Variants in SCAP observed in about 807,000 individuals in gnomAD.
SCAP encodes SREBF chaperone.
Under a neutral mutation model 123.6 loss-of-function variants are expected in SCAP, and 65 were observed. The observed-to-expected ratio is 0.53, with a 90% CI of 0.43 to 0.65. The LOEUF is 0.65. SCAP is among the 30% of genes least tolerant of loss of function. The pLI, the probability that SCAP is intolerant of heterozygous loss-of-function variation, is 0.00. For synonymous variants in SCAP, 740 were observed against 726.3 expected (o/e 1.02, Z -0.30); for missense variants, 1,398 against 1,712.5 (o/e 0.82, Z 3.24).
chr3:47,434,548 A>G (rs1456437449), intron 3 of SCAP, among the ~76,000 whole-genome samples: 1 of 152,174 alleles, frequency 6.6e-6, no homozygotes, highest in African/African-American at 2.4e-5. Flanking sequence ...GTTCCAAACT[A>G]AATAACTGGC....
rs567401477 is a variant in SCAP at position 47,417,818 on chromosome 3, C to T, written c.2456G>A (p.Arg819His). The change falls in exon 17 of 23, where the codon CGC (arginine) becomes CAC (histidine). Residue 819 changes from arginine (R) to histidine (H), a missense_variant. Physicochemically the swap from Arg to His is conservative, Grantham distance 29. This residue lies in a region of SCAP where 828 missense variants were observed against 882.5 expected (regional missense o/e 0.94). Transcript: ENST00000265565. ...CCCGCTGCCCACGCCACTGTCCCGG[C>T]GCTGCCTGCTGGGGGCCAGGAGGGC... is the stretch of plus-strand genomic sequence containing the variant. ...LTRIPRPGRQ[R>H]RDSGVGSGLE... 5.8e-6 allele frequency: 8 copies of T among 1,378,140 alleles called. No individual in the cohort carries two copies. Among genetic ancestry groups the T allele is most frequent in the Middle Eastern group, 2.1e-4 (1 of 4,692 alleles). The allele number at this position is 1,378,140 out of a possible 1,614,324, so 85.4% of individuals were successfully genotyped here. A position where few individuals can be genotyped will look rare whatever the true frequency, so the allele number is the denominator to read the frequency against.
chr3:47,452,997 G>T (rs769590795), intron 1 of SCAP, among the ~76,000 whole-genome samples: 1 of 152,130 alleles, frequency 6.6e-6, no homozygotes, highest in African/African-American at 2.4e-5. Flanking sequence ...TTGGAAGCCT[G>T]AGTGGGAAGG....
chr3:47,438,842 C>T (rs1048437519), intron 2 of SCAP, among the ~76,000 whole-genome samples: 17 of 151,780 alleles, frequency 1.1e-4, no homozygotes, highest in African/African-American at 3.9e-4. Context: ...AAATTTTAGG[C>T]TGTGGCTACA....
At position 47,417,825 on chromosome 3, in the gene SCAP, T is replaced by C; in HGVS notation, c.2449A>G (p.Arg817Gly). The C allele has an allele frequency of 7.7e-7, 1 of 1,292,468 alleles. No homozygotes were observed. Among genetic ancestry groups the C allele is most frequent in the Non-Finnish European group, 1.0e-6 (1 of 994,044 alleles). The allele number at this position is 1,292,468 out of a possible 1,614,324, so 80.1% of individuals were successfully genotyped here. A position where few individuals can be genotyped will look rare whatever the true frequency, so the allele number is the denominator to read the frequency against. The change falls in exon 17 of 23, where the codon AGG (arginine) becomes GGG (glycine). Residue 817 changes from arginine (R) to glycine (G), a missense_variant and splice_region_variant. Around this residue, in one of 7 missense-constraint regions of SCAP, gnomAD observed 828 missense variants for 882.5 expected, o/e 0.94. Transcript: ENST00000265565. ...CCCACGCCACTGTCCCGGCGCTGCC[T>C]GCTGGGGGCCAGGAGGGCGGAGTGA... is the stretch of plus-strand genomic sequence containing the variant. ...DCLTRIPRPG[R>G]QRRDSGVGSG...
intron 1 of SCAP, among the ~76,000 whole-genome samples, chr3:47,466,004 G>A (rs758292119): frequency 6.9e-4 from 105 of 151,890 alleles, no homozygotes; most frequent in Non-Finnish European, 1.1e-3. Flanking sequence ...GTGGTGGCAG[G>A]TGCCTGTAAT....
At chr3:47,423,843 C>T (rs1706012629) in intron 9 of SCAP, 90 bp downstream of exon 9, 1 of 921,682 alleles carries the variant, frequency 1.1e-6, no homozygotes, top group Non-Finnish European at 1.7e-6. Context: ...TTCAAGGGCT[C>T]TGTTTGCTCA....
chr3:47,426,235 C>A, intron 6 of SCAP, 66 bp from the exon 7 acceptor site: 2 of 1,510,240 alleles, frequency 1.3e-6, no homozygotes, highest in Non-Finnish European at 1.8e-6. Context: ...AAAGACAATC[C>A]CCGGACAGAG....
At position 47,413,785 on chromosome 3, in the gene SCAP, A is replaced by C. The variant is rs1576238058; in HGVS notation, c.*69T>G. ...GGAAGATACTCGGCTCTTTCCCCCA[A>C]GTCCAGGTTCAGTGCATTGGCCCCC... On this transcript the variant is annotated 3_prime_UTR_variant, in exon 23 of 23. Coordinates refer to ENST00000265565, the MANE Select transcript of SCAP (RefSeq NM_012235.4). 9 of 1,549,568 alleles carry C rather than the reference A, an allele frequency of 5.8e-6. No individual in the cohort carries two copies. The East Asian group carries it at 1.4e-4, about 23-fold the overall frequency.
In SCAP at chr3:47,418,643, C is replaced by G. The variant is rs1705753090; in HGVS notation, c.2129+12G>C. On this transcript the variant is annotated intron_variant, in intron 14 of 22. Transcript: ENST00000265565. ...GCACTCTTTCCCACCCCACCCCACC[C>G]AGCAGCCTTACTTGTACAGCGTGAC... 4 of 1,601,364 alleles carry G rather than the reference C, an allele frequency of 2.5e-6. No homozygotes were observed. The African/African-American group carries it at 4.0e-5, about 16-fold the overall frequency.
rs1238567681 is a variant in SCAP at position 47,428,491 on chromosome 3, C to T, written c.410+22G>A. 7 of 1,611,736 alleles carry T rather than the reference C, an allele frequency of 4.3e-6. No homozygotes were observed. In the Admixed American group the frequency reaches 1.0e-4, roughly 23 times the overall value. ...CAGTACAGAATGGGATTCAGGGAGGCCAGGGTCCCTGAGAGGGGTACCTGT... is the reference window on the plus strand; with the variant it reads ...CAGTACAGAATGGGATTCAGGGAGGTCAGGGTCCCTGAGAGGGGTACCTGT... On this transcript the variant is annotated intron_variant, in intron 4 of 22. Transcript: ENST00000265565.
intron 1 of SCAP, among the ~76,000 whole-genome samples, chr3:47,463,551 A>C (rs758924212): frequency 6.7e-4 from 102 of 151,980 alleles, no homozygotes; most frequent in Admixed American, 1.8e-3. Flanking sequence ...AAAATACAAA[A>C]ATTAGCTGGG....
intron 1 of SCAP, among the ~76,000 whole-genome samples, chr3:47,453,867 C>T (rs1023504157): frequency 7.2e-5 from 11 of 152,060 alleles, no homozygotes; most frequent in Admixed American, 2.6e-4. Flanking sequence ...TCTAATTTCC[C>T]ACCTCTAATT....
intron 6 of SCAP, 65 bp from the exon 7 acceptor site, chr3:47,426,234 C>A: frequency 6.6e-7 from 1 of 1,514,682 alleles, no homozygotes; most frequent in East Asian, 2.4e-5. Flanking sequence ...CAAAGACAAT[C>A]CCCGGACAGA....
rs769942680 is a variant in SCAP at position 47,435,086 on chromosome 3, G to A, written c.174C>T (p.Thr58=). 3 of 1,613,974 alleles carry A rather than the reference G, an allele frequency of 1.9e-6. No homozygotes were observed. In the African/African-American group the frequency reaches 4.0e-5, roughly 22 times the overall value. Reference sequence around the variant, plus strand: ...GGGGCGAGTAATCCTTCACAGGGGTGGTGAATTCCACAGGTCCTGTTCCTG... The same window carrying A: ...GGGGCGAGTAATCCTTCACAGGGGTAGTGAATTCCACAGGTCCTGTTCCTG... ...PLPGTGPVEF[T]TPVKDYSPPP... Residue 58 remains threonine, a synonymous_variant, in exon 3 of 23, where the codon ACC becomes ACT. Coordinates refer to ENST00000265565, the MANE Select transcript of SCAP (RefSeq NM_012235.4).
intron 1 of SCAP, among the ~76,000 whole-genome samples, chr3:47,462,071 C>T (rs1048268891): frequency 1.3e-5 from 2 of 152,008 alleles, no homozygotes; most frequent in Non-Finnish European, 1.5e-5. Flanking sequence ...TAAATGTTTA[C>T]TATAATCAGT....
intron 3 of SCAP, among the ~76,000 whole-genome samples, chr3:47,432,288 G>A (rs1413690434): frequency 8.5e-6 from 1 of 118,066 alleles, no homozygotes; most frequent in Non-Finnish European, 1.6e-5. Flanking sequence ...CTGCACTCCA[G>A]CCTAGCGAAA....
intron 7 of SCAP, 99 bp from the exon 8 acceptor site, chr3:47,425,710 AACTCCT>A: frequency 7.4e-7 from 1 of 1,355,212 alleles, no homozygotes; most frequent in Admixed American, 1.9e-5. Context: ...AGGAAGGGAA[AACTCCT>A]GGTTTCACCA....
chr3:47,459,911 A>C (rs1707566174), intron 1 of SCAP, among the ~76,000 whole-genome samples: 1 of 152,158 alleles, frequency 6.6e-6, no homozygotes, highest in Admixed American at 6.6e-5. Flanking sequence ...CCTTATCTCA[A>C]CCGCATAAGA....
chr3:47,429,851 G>A (rs1706289387), intron 3 of SCAP, among the ~76,000 whole-genome samples: 3 of 152,158 alleles, frequency 2.0e-5, no homozygotes. Context: ...GAACATGTCT[G>A]CTGACCGCAC....
Sources: allele counts gnomAD v4.1 joint callset (sites outside exome capture counted in the v4.1 genomes callset), GRCh38; gene constraint gnomAD v4.1.1; regional missense constraint gnomAD v4.1.1; transcripts MANE v1.5; gene names NCBI Gene and HGNC (gene_info 2026-07-23, HGNC 2026-07-21).